MAP3K7: variants seen among roughly 807,000 people sequenced by gnomAD.
MAP3K7 encodes mitogen-activated protein kinase kinase kinase 7.
In MAP3K7, 21 loss-of-function variants were observed where a neutral mutation model predicts 84.8. The ratio of observed to expected loss-of-function variants is 0.25; its 90% CI spans 0.18 to 0.36. The LOEUF (loss-of-function observed/expected upper bound fraction) is 0.36. MAP3K7 is among the 10% of genes least tolerant of loss of function. MAP3K7 has a pLI of 1.00. For missense variants in MAP3K7, 503 were observed against 747.7 expected (o/e 0.67, Z 3.82); for synonymous variants, 241 against 247.7 (o/e 0.97, Z 0.25).
chr6:90,566,346 T>A (rs1340011142), intron 3 of MAP3K7, among the ~76,000 whole-genome samples: 1 of 152,220 alleles, frequency 6.6e-6, no homozygotes, highest in Admixed American at 6.5e-5. Context: ...CTTAAGCTGA[T>A]AAGCAACTTC....
intron 1 of MAP3K7, among the ~76,000 whole-genome samples, chr6:90,578,093 A>G (rs1777146047): frequency 6.6e-6 from 1 of 152,242 alleles, no homozygotes; most frequent in Non-Finnish European, 1.5e-5. Context: ...AGATACATAA[A>G]AGAGGTAAGT....
Position 90,561,618 on chromosome 6 carries a change from T to G in MAP3K7, c.343+4A>C. 6.2e-7 allele frequency: 1 copy of G among 1,604,462 alleles called. No homozygotes were observed. Among genetic ancestry groups the G allele is most frequent in the Non-Finnish European group, 8.5e-7 (1 of 1,171,832 alleles). Reference sequence around the variant, plus strand: ...TAGATAAAGACAGGTCTAATGACACTCACCATTATATAAAGAGCCCCCTTC... The same window carrying G: ...TAGATAAAGACAGGTCTAATGACACGCACCATTATATAAAGAGCCCCCTTC... On this transcript the variant is annotated splice_donor_region_variant and intron_variant, in intron 4 of 16. Transcript: ENST00000369329.
chr6:90,543,014 T>C (rs1213845711), intron 12 of MAP3K7, among the ~76,000 whole-genome samples: 4 of 152,130 alleles, frequency 2.6e-5, no homozygotes, highest in Non-Finnish European at 5.9e-5. Context: ...TTCTTAATGC[T>C]TAGTCATAAG....
intron 3 of MAP3K7, among the ~76,000 whole-genome samples, chr6:90,565,521 T>G (rs1462275914): frequency 1.3e-5 from 2 of 152,128 alleles, no homozygotes; most frequent in Non-Finnish European, 2.9e-5. Context: ...AGGAAGAAGT[T>G]GAATCCCTGA....
chr6:90,557,554 T>C (rs910714648), intron 5 of MAP3K7, among the ~76,000 whole-genome samples: 14 of 152,208 alleles, frequency 9.2e-5, no homozygotes, highest in Admixed American at 6.5e-5. Flanking sequence ...TATACCTCTA[T>C]ATGTACTTCA....
At chr6:90,576,003 T>G (rs932178099) in intron 1 of MAP3K7, among the ~76,000 whole-genome samples, 1 of 151,560 alleles carries the variant, frequency 6.6e-6, no homozygotes, top group African/African-American at 2.4e-5. Context: ...AAACAAAAGA[T>G]GAGTAAGAAA....
intron 6 of MAP3K7, 36 bp from the exon 7 acceptor site, chr6:90,553,622 T>C: frequency 6.4e-7 from 1 of 1,561,490 alleles, no homozygotes; most frequent in Non-Finnish European, 8.7e-7. Context: ...ACCTAAAGAC[T>C]ATTTTTCCAC....
At position 90,584,523 on chromosome 6, in the gene MAP3K7, T is replaced by C. The variant is rs1200293448; in HGVS notation, c.120+2241A>G. ...ACACACACCCACATACACACAAAGA[T>C]TGAAACATTATCTAAACTGAGAGAA... On this transcript the variant is annotated intron_variant, in intron 1 of 16. Coordinates refer to ENST00000369329, the MANE Select transcript of MAP3K7 (RefSeq NM_145331.3). Among the ~76,000 whole-genome samples, 5 of 152,034 alleles carry C rather than the reference T, an allele frequency of 3.3e-5. No homozygotes were observed. In the Middle Eastern group the frequency reaches 0.01, roughly 310 times the overall value.
chr6:90,567,457 G>T (rs7738199), intron 3 of MAP3K7, among the ~76,000 whole-genome samples: 45,709 of 152,088 alleles, frequency 0.3, 7,316 homozygotes, highest in Non-Finnish European at 0.36. Flanking sequence ...AAAGACACAT[G>T]AAAAAATGCT....
chr6:90,577,379 T>C (rs1009413165), intron 1 of MAP3K7, among the ~76,000 whole-genome samples: 1 of 152,074 alleles, frequency 6.6e-6, no homozygotes, highest in Admixed American at 6.6e-5. Flanking sequence ...AGTAAGAAGG[T>C]AGAAACGTGA....
At chr6:90,545,544 T>G (rs1427785070) in intron 11 of MAP3K7, among the ~76,000 whole-genome samples, 3 of 152,122 alleles carry the variant, frequency 2.0e-5, no homozygotes, top group Non-Finnish European at 4.4e-5. Context: ...CCTCAAAGCA[T>G]GAGGGTATGT....
intron 12 of MAP3K7, chr6:90,537,076 T>G (rs1218304673): frequency 6.6e-6 from 1 of 152,124 alleles, no homozygotes; most frequent in East Asian, 1.9e-4. Context: ...TTAATTTAAT[T>G]AAAAATCAAT....
In MAP3K7 at chr6:90,561,229, A is replaced by C. The variant is rs35014369; in HGVS notation, c.343+393T>G. ...AAGGTTGTGTGAAGTGAGTTTTCAC[A>C]TTTTTTTTTGAAAAAAAAGAAAAAA... On this transcript the variant is annotated intron_variant, in intron 4 of 16. Transcript: ENST00000369329. 4.1e-3 allele frequency among the ~76,000 whole-genome samples: 611 copies of C among 150,708 alleles called. 6 individuals are homozygous for C. The highest frequency in any genetic ancestry group is 0.01 in the Middle Eastern group (3 of 294).
intron 12 of MAP3K7, among the ~76,000 whole-genome samples, chr6:90,543,395 T>C (rs1775912573): frequency 6.6e-6 from 1 of 152,098 alleles, no homozygotes. Flanking sequence ...TATGCTAGTT[T>C]CTCACCAGGG....
chr6:90,556,943 TTC>T (rs949970797), intron 5 of MAP3K7, among the ~76,000 whole-genome samples: 1 of 152,194 alleles, frequency 6.6e-6, no homozygotes, highest in African/African-American at 2.4e-5. Context: ...TTTAAAAAAC[TTC>T]TGTTAGGTCA....
Position 90,586,878 on chromosome 6 carries a change from A to C in MAP3K7, c.6T>G (p.Ser2=). 1 of 1,606,556 alleles carries C rather than the reference A, an allele frequency of 6.2e-7. No homozygotes were observed. The highest frequency in any genetic ancestry group is 2.3e-5 in the East Asian group (1 of 43,744). ...AGGAGGAGGAGGCGGCAGAGGCTGT[A>C]GACATGATCCCTCGCGGCGCCCGGT... is the stretch of plus-strand genomic sequence containing the variant. M[S]TASAASSSSS... Residue 2 remains serine, a synonymous_variant, in exon 1 of 17, where the codon TCT becomes TCG. Transcript: ENST00000369329.
rs1207939422 is a variant in MAP3K7, at chr6:90,515,866, C to G, written c.*635G>C. ...CAATCAAATTTTAGTCTAACAAAAT[C>G]CGGTAAAACTGCTTTCATTAAATAG... On this transcript the variant is annotated 3_prime_UTR_variant, in exon 17 of 17. Coordinates refer to ENST00000369329, the MANE Select transcript of MAP3K7 (RefSeq NM_145331.3). 1 of 152,374 alleles carries G rather than the reference C, an allele frequency of 6.6e-6. No individual in the cohort carries two copies. Among genetic ancestry groups the G allele is most frequent in the Non-Finnish European group, 1.5e-5 (1 of 67,950 alleles). The allele number at this position is 152,374 out of a possible 1,614,324, so 9.4% of individuals were successfully genotyped here.
chr6:90,528,613 A>T (rs544986382), intron 13 of MAP3K7, among the ~76,000 whole-genome samples: 2 of 152,204 alleles, frequency 1.3e-5, no homozygotes, highest in East Asian at 3.9e-4. Context: ...TTTTAAAAAT[A>T]ATTTTTAATT....
chr6:90,561,231 T>C (rs1776502660), intron 4 of MAP3K7, among the ~76,000 whole-genome samples: 1 of 151,578 alleles, frequency 6.6e-6, no homozygotes, highest in Non-Finnish European at 1.5e-5. Context: ...GTTTTCACAT[T>C]TTTTTTTGAA....
Sources: allele counts gnomAD v4.1 joint callset (sites outside exome capture counted in the v4.1 genomes callset), GRCh38; gene constraint gnomAD v4.1.1; transcripts MANE v1.5; gene names NCBI Gene and HGNC (gene_info 2026-07-23, HGNC 2026-07-21).